The following SP1 variants were observed in gnomAD, a reference collection of about 807,000 sequenced individuals.
The protein encoded by SP1 is transcription factor Sp1.
SP1 carries 6 observed loss-of-function variants against 66.3 expected under a neutral mutation model. The ratio of observed to expected loss-of-function variants is 0.09; its 90% CI spans 0.05 to 0.18. The LOEUF (loss-of-function observed/expected upper bound fraction) is 0.18. SP1 is among the 10% of genes least tolerant of loss of function. The pLI is 1.00. For missense variants in SP1, 848 were observed against 964.5 expected, an observed-to-expected ratio of 0.88 and a Z score of 1.60; for synonymous variants, 417 against 360.8, an observed-to-expected ratio of 1.16 and a Z score of -1.77.
chr12:53,406,001 A>AT (rs1938727578), intron 3 of SP1, among the ~76,000 whole-genome samples: 1 of 150,846 alleles, frequency 6.6e-6, no homozygotes, highest in African/African-American at 2.4e-5. Flanking sequence ...TATAATAATA[A>AT]AAAAAAACAA....
In SP1 at chr12:53,416,182, G is replaced by A. The variant is rs530275188; in HGVS notation, c.*4942G>A. 5.2e-4 allele frequency: 79 copies of A among 153,398 alleles called. No homozygotes were observed. The highest frequency in any genetic ancestry group is 1.5e-3 in the Admixed American group (23 of 15,308). 9.5% of individuals were successfully genotyped at this position (153,398 alleles called of 1,614,324 possible). A position where few individuals can be genotyped will look rare whatever the true frequency, so the allele number is the denominator to read the frequency against. Reference sequence around the variant, plus strand: ...TTCCAATCCAATTATCACCAGGGCTGTGTGGGTAAATGCTTTTAAATGCTC... The same window carrying A: ...TTCCAATCCAATTATCACCAGGGCTATGTGGGTAAATGCTTTTAAATGCTC... On this transcript the variant is annotated 3_prime_UTR_variant, in exon 6 of 6. Transcript: ENST00000327443.
chr12:53,382,114 C>T lies in SP1; in HGVS notation c.167C>T (p.Ser56Phe). The T allele has an allele frequency of 6.2e-7, 1 of 1,613,464 alleles. No homozygotes were observed. The highest frequency in any genetic ancestry group is 8.5e-7 in the Non-Finnish European group (1 of 1,179,646). The change falls in exon 3 of 6, where the codon TCC becomes TTC. Residue 56 changes from serine to phenylalanine, a missense_variant. Transcript: ENST00000327443. ...CTCTCCCTTATTTTCGGCCAGGAGT[C>T]CCAGCCATCCCCTTTGGCTCTGCTG... The part of the protein sequence containing the change: ...SSSTGGGGQE[S>F]QPSPLALLAA...
At chr12:53,389,411 G>A (rs978595129) in intron 3 of SP1, among the ~76,000 whole-genome samples, 2 of 151,846 alleles carry the variant, frequency 1.3e-5, no homozygotes, top group Non-Finnish European at 2.9e-5. Flanking sequence ...GTTTCACCAT[G>A]TTGGCCAGGC....
intron 5 of SP1, among the ~76,000 whole-genome samples, chr12:53,410,395 C>G (rs1158606893): frequency 6.6e-6 from 1 of 152,126 alleles, no homozygotes; most frequent in Non-Finnish European, 1.5e-5. Context: ...AGTCTCTGCC[C>G]TGCCTTACTT....
intron 4 of SP1, among the ~76,000 whole-genome samples, chr12:53,407,761 C>G (rs944073485): frequency 6.6e-6 from 1 of 151,870 alleles, no homozygotes; most frequent in Non-Finnish European, 1.5e-5. Context: ...CTCAGCCTCC[C>G]TAGTAGCTGG....
chr12:53,383,973 CTTTT>C (rs56055478), intron 3 of SP1, among the ~76,000 whole-genome samples: 14 of 132,968 alleles, frequency 1.1e-4, no homozygotes, highest in Non-Finnish European at 2.2e-4. Flanking sequence ...ATTTTCTTTT[CTTTT>C]TTTTTTTTTT....
chr12:53,400,863 GC>G (rs1381415262), intron 3 of SP1, among the ~76,000 whole-genome samples: 1 of 147,900 alleles, frequency 6.8e-6, no homozygotes, highest in Admixed American at 7.0e-5. Flanking sequence ...CCAGGTTCAC[GC>G]CATTCTCCTG....
At chr12:53,402,566 A>G (rs925504853) in intron 3 of SP1, among the ~76,000 whole-genome samples, 1 of 150,010 alleles carries the variant, frequency 6.7e-6, no homozygotes, top group Non-Finnish European at 1.5e-5. Context: ...AGGCCGGGCA[A>G]GGTGGCTCAG....
intron 3 of SP1, among the ~76,000 whole-genome samples, chr12:53,406,345 A>G (rs981084579): frequency 7.2e-5 from 11 of 152,114 alleles, no homozygotes; most frequent in African/African-American, 2.4e-4. Context: ...ATGGAATTAC[A>G]GGCGTGAACC....
chr12:53,407,506 A>G (rs553941691), intron 4 of SP1, among the ~76,000 whole-genome samples: 1 of 151,530 alleles, frequency 6.6e-6, no homozygotes, highest in African/African-American at 2.4e-5. Context: ...TTCTATTTTT[A>G]ATAGAGACAG....
In SP1 at chr12:53,383,439, A is replaced by G; in HGVS notation, c.1492A>G (p.Ser498Gly). ...QGVSLGQTSS[S>G]NTTLTPIASA... ...TGTTTCCTTGGGGCAGACCAGCAGC[A>G]GCAACACCACTCTCACACCCATTGC... is the stretch of plus-strand genomic sequence containing the variant. The change falls in exon 3 of 6, where the codon AGC (serine) becomes GGC (glycine). Residue 498 changes from serine to glycine, a missense_variant. By Grantham distance (56) the Ser-to-Gly change is moderately conservative. Transcript: ENST00000327443. 3 of 1,614,244 alleles carry G rather than the reference A, an allele frequency of 1.9e-6. No homozygotes were observed. The highest frequency in any genetic ancestry group is 1.7e-6 in the Non-Finnish European group (2 of 1,180,042).
At chr12:53,380,700 A>G in intron 1 of SP1, 1 of 968,398 alleles carries the variant, frequency 1.0e-6, no homozygotes, top group Non-Finnish European at 1.2e-6. Flanking sequence ...CGCCTGCTCC[A>G]AGGCCCTCCT....
In SP1 at chr12:53,383,322, A is replaced by C; in HGVS notation, c.1375A>C (p.Asn459His). ...CATCCGGACACCAACAGTGGGGCCC[A>C]ATGGACAGGTCAGTTGGCAGACTCT... ...IIIRTPTVGP[N>H]GQVSWQTLQL... Residue 459 changes from asparagine (N) to histidine (H), a missense_variant, in exon 3 of 6, where the codon AAT becomes CAT. This residue lies in a region of SP1 where 606 missense variants were observed against 589.9 expected (regional missense o/e 1.03). Coordinates refer to ENST00000327443, the MANE Select transcript of SP1 (RefSeq NM_138473.3). 1 of 1,614,214 alleles carries C rather than the reference A, an allele frequency of 6.2e-7. No individual in the cohort carries two copies.
intron 5 of SP1, among the ~76,000 whole-genome samples, chr12:53,410,623 G>T (rs981608678): frequency 3.3e-5 from 5 of 151,896 alleles, no homozygotes; most frequent in African/African-American, 4.8e-5. Context: ...TCCTGCCTCA[G>T]CCTCTCCGAG....
chr12:53,400,435 T>C (rs1938585821), intron 3 of SP1, among the ~76,000 whole-genome samples: 1 of 152,230 alleles, frequency 6.6e-6, no homozygotes, highest in Non-Finnish European at 1.5e-5. Flanking sequence ...TTGGGTTGTT[T>C]CTGTGTTTTA....
rs532955185 is a variant in SP1, at chr12:53,410,014, A to G, written c.2044+453A>G. Reference sequence around the variant, plus strand: ...GACAGAGCGAGACACTGTCTCAAAAAAAAAGGAAGGAGCCAGGTGTCGTGG... The same window carrying G: ...GACAGAGCGAGACACTGTCTCAAAAGAAAAGGAAGGAGCCAGGTGTCGTGG... On this transcript the variant is annotated intron_variant, in intron 5 of 5. Coordinates refer to ENST00000327443, the MANE Select transcript of SP1 (RefSeq NM_138473.3). Among the ~76,000 whole-genome samples the G allele has an allele frequency of 1.9e-4, 28 of 150,926 alleles. No individual in the cohort carries two copies. The South Asian group carries it at 5.9e-3, about 32-fold the overall frequency.
intron 4 of SP1, among the ~76,000 whole-genome samples, chr12:53,408,709 A>C (rs553779077): frequency 6.7e-6 from 1 of 149,318 alleles, no homozygotes; most frequent in Non-Finnish European, 1.5e-5. Flanking sequence ...GATCGAGACC[A>C]TCCTGGCTAA....
Position 53,382,869 on chromosome 12 carries a change from G to A in SP1, c.922G>A (p.Ala308Thr), listed in dbSNP as rs1276361516. The A allele has an allele frequency of 1.2e-6, 2 of 1,614,064 alleles. No individual in the cohort carries two copies. Among genetic ancestry groups the A allele is most frequent in the Admixed American group, 3.3e-5 (2 of 60,000 alleles). The change falls in exon 3 of 6, where the codon GCC becomes ACC. Residue 308 changes from alanine to threonine, a missense_variant. Around this residue, in one of 7 missense-constraint regions of SP1, gnomAD observed 606 missense variants for 589.9 expected, o/e 1.03. Transcript: ENST00000327443. ...PVTSGTTISS[A>T]SLVSSQASSS... ...CACCTCAGGGACTACCATCAGTTCT[G>A]CCAGCTTGGTATCATCACAAGCCAG...
At chr12:53,395,279 G>A (rs915854260) in intron 3 of SP1, among the ~76,000 whole-genome samples, 1 of 152,150 alleles carries the variant, frequency 6.6e-6, no homozygotes, top group Non-Finnish European at 1.5e-5. Flanking sequence ...GGTGGAATTT[G>A]CAGTGAGTTG....
Sources: allele counts gnomAD v4.1 joint callset (sites outside exome capture counted in the v4.1 genomes callset), GRCh38; gene constraint gnomAD v4.1.1; regional missense constraint gnomAD v4.1.1; transcripts MANE v1.5; gene names NCBI Gene and HGNC (gene_info 2026-07-23, HGNC 2026-07-21).